Variants in GPC5 observed in about 807,000 individuals in gnomAD.
The protein encoded by GPC5 is glypican 5.
Under a neutral mutation model 53.9 loss-of-function variants are expected in GPC5, and 47 were observed. The observed-to-expected ratio is 0.87, with a 90% CI of 0.69 to 1.11. GPC5 has a LOEUF of 1.11. GPC5 is among the 50% of genes most tolerant of loss of function. The pLI is 0.00. For missense variants in GPC5, 748 were observed against 713.1 expected (o/e 1.05, Z -0.56); for synonymous variants, 286 against 263.3 (o/e 1.09, Z -0.84).
At chr13:92,579,119 T>A (rs1473691235) in intron 7 of GPC5, among the ~76,000 whole-genome samples, 1 of 152,140 alleles carries the variant, frequency 6.6e-6, no homozygotes, top group African/African-American at 2.4e-5. Context: ...TTATCAAATC[T>A]ATTTTAAATA....
At chr13:92,049,650 G>A (rs1324948909) in intron 6 of GPC5, among the ~76,000 whole-genome samples, 2 of 152,098 alleles carry the variant, frequency 1.3e-5, no homozygotes, top group Non-Finnish European at 2.9e-5. Flanking sequence ...TTAGTATTAT[G>A]CAAATTAATA....
intron 5 of GPC5, among the ~76,000 whole-genome samples, chr13:91,904,135 T>C (rs1258549773): frequency 1.6e-5 from 2 of 127,140 alleles, no homozygotes; most frequent in African/African-American, 6.4e-5. Flanking sequence ...TACTTTCTTT[T>C]CTTTCTTTTT....
intron 1 of GPC5, among the ~76,000 whole-genome samples, chr13:91,436,908 T>C (rs1880020212): frequency 6.6e-6 from 1 of 152,242 alleles, no homozygotes; most frequent in African/African-American, 2.4e-5. Flanking sequence ...TAGTTAGCTC[T>C]TCTTGTTGAA....
chr13:91,451,623 T>TG lies in GPC5; in HGVS notation c.325+2701_325+2702insG, dbSNP rs199796144. Reference sequence around the variant, plus strand: ...AGGACAACTCTTCTGTTTGTTTGTTTTTTTTTTTCCCCGAGGTGGAGTCTT... The same window carrying TG: ...AGGACAACTCTTCTGTTTGTTTGTTTGTTTTTTTTCCCCGAGGTGGAGTCTT... On this transcript the variant is annotated intron_variant, in intron 2 of 7. Coordinates refer to ENST00000377067, the MANE Select transcript of GPC5 (RefSeq NM_004466.6). Among the ~76,000 whole-genome samples the TG allele has an allele frequency of 5.8e-3, 870 of 151,298 alleles. 7 individuals are homozygous for TG. The highest frequency in any genetic ancestry group is 0.02 in the African/African-American group (820 of 41,156).
intron 5 of GPC5, among the ~76,000 whole-genome samples, chr13:91,760,143 G>A (rs1019273455): frequency 6.6e-6 from 1 of 151,980 alleles, no homozygotes; most frequent in African/African-American, 2.4e-5. Context: ...AATTAACGTT[G>A]TAAAAAGTGC....
intron 7 of GPC5, among the ~76,000 whole-genome samples, chr13:92,386,840 T>A (rs9301804): frequency 0.55 from 84,199 of 151,864 alleles, 23,651 homozygotes; most frequent in African/African-American, 0.62. Context: ...TTAAAAATAC[T>A]CTCTGCTATA....
intron 2 of GPC5, among the ~76,000 whole-genome samples, chr13:91,691,536 C>T (rs115572662): frequency 1.4e-3 from 211 of 152,252 alleles, no homozygotes; most frequent in African/African-American, 4.9e-3. Context: ...AACACATGAG[C>T]TCTACCTAAC....
chr13:91,413,239 T>A (rs1877943337), intron 1 of GPC5, among the ~76,000 whole-genome samples: 2 of 152,144 alleles, frequency 1.3e-5, no homozygotes, highest in African/African-American at 4.8e-5. Flanking sequence ...TATGATCATG[T>A]CACTGCACTT....
chr13:91,867,040 A>G (rs2039092657), intron 5 of GPC5, among the ~76,000 whole-genome samples: 1 of 152,034 alleles, frequency 6.6e-6, no homozygotes, highest in Non-Finnish European at 1.5e-5. Context: ...ACATGGAGAA[A>G]CCCTGTCTCT....
intron 2 of GPC5, among the ~76,000 whole-genome samples, chr13:91,587,712 G>A (rs534367203): frequency 1.5e-4 from 23 of 152,082 alleles, no homozygotes; most frequent in African/African-American, 5.3e-4. Flanking sequence ...GCTGTTTTAC[G>A]AATTCTCTTC....
At chr13:91,599,228 G>T (rs2033097493) in intron 2 of GPC5, among the ~76,000 whole-genome samples, 1 of 152,066 alleles carries the variant, frequency 6.6e-6, no homozygotes, top group Non-Finnish European at 1.5e-5. Flanking sequence ...ACTAATCTGT[G>T]ATGGAACTTG....
At chr13:91,478,811 A>ATATATATATC (rs1883100687) in intron 2 of GPC5, among the ~76,000 whole-genome samples, 2 of 121,834 alleles carry the variant, frequency 1.6e-5, no homozygotes, top group Admixed American at 1.6e-4. Context: ...ATATATATAT[A>ATATATATATC]TATATATATA....
At chr13:91,768,496 A>T (rs2037564610) in intron 5 of GPC5, among the ~76,000 whole-genome samples, 1 of 152,348 alleles carries the variant, frequency 6.6e-6, no homozygotes, top group African/African-American at 2.4e-5. Flanking sequence ...ACACACAAAA[A>T]TAATTCGCAT....
chr13:92,044,385 C>T (rs1341751119), intron 6 of GPC5, among the ~76,000 whole-genome samples: 3 of 152,196 alleles, frequency 2.0e-5, no homozygotes, highest in Admixed American at 6.5e-5. Context: ...TGGACTGCCA[C>T]ACAGCAGCTG....
rs560874270 is a variant in GPC5 at position 92,841,609 on chromosome 13, T to C, written c.1562-24673T>C. On this transcript the variant is annotated intron_variant, in intron 7 of 7. Coordinates refer to ENST00000377067, the MANE Select transcript of GPC5 (RefSeq NM_004466.6). ...GACATTAACTACAACAACATAATTA[T>C]ACTAAGATATTAAGTACTTCCTCCT... Among the ~76,000 whole-genome samples, 23 of 152,250 alleles carry C rather than the reference T, an allele frequency of 1.5e-4. No homozygotes were observed. The South Asian group carries it at 3.9e-3, about 26-fold the overall frequency.
chr13:91,625,646 G>A (rs1224311013), intron 2 of GPC5, among the ~76,000 whole-genome samples: 3 of 152,018 alleles, frequency 2.0e-5, no homozygotes, highest in African/African-American at 7.2e-5. Context: ...ACAAGCAAGT[G>A]CCTTATTTGG....
chr13:92,388,585 A>G (rs1327167443), intron 7 of GPC5, among the ~76,000 whole-genome samples: 2 of 152,244 alleles, frequency 1.3e-5, no homozygotes, highest in East Asian at 3.9e-4. Flanking sequence ...TTGCAATGAG[A>G]AATAATACAC....
At chr13:91,657,512 G>A (rs1174993280) in intron 2 of GPC5, among the ~76,000 whole-genome samples, 1 of 151,998 alleles carries the variant, frequency 6.6e-6, no homozygotes, top group Non-Finnish European at 1.5e-5. Context: ...AGAGGCCAAG[G>A]GTGCTGTTTA....
chr13:92,148,693 G>GCCT (rs2041885922), intron 7 of GPC5, among the ~76,000 whole-genome samples: 1 of 151,950 alleles, frequency 6.6e-6, no homozygotes, highest in African/African-American at 2.4e-5. Context: ...CTTAAAAGTC[G>GCCT]CCTCACCCCT....
Sources: allele counts gnomAD v4.1 joint callset (sites outside exome capture counted in the v4.1 genomes callset), GRCh38; gene constraint gnomAD v4.1.1; transcripts MANE v1.5; gene names NCBI Gene and HGNC (gene_info 2026-07-23, HGNC 2026-07-21).